The following USP10 variants were observed in gnomAD, a reference collection of about 807,000 sequenced individuals.
USP10 encodes ubiquitin specific peptidase 10.
USP10 carries 22 observed loss-of-function variants against 84.5 expected under a neutral mutation model. The observed-to-expected ratio is 0.26, with a 90% CI of 0.19 to 0.37. USP10 has a LOEUF of 0.37. Ranked by LOEUF, USP10 falls within the 10% of genes least tolerant of loss-of-function variation. The pLI is 1.00. For synonymous variants in USP10, 454 were observed against 387.6 expected (o/e 1.17, Z -2.01); for missense variants, 1,019 against 998.9 (o/e 1.02, Z -0.27).
At chr16:84,757,608 C>A (rs1912737140) in intron 4 of USP10, among the ~76,000 whole-genome samples, 1 of 152,030 alleles carries the variant, frequency 6.6e-6, no homozygotes, top group Non-Finnish European at 1.5e-5. Flanking sequence ...TTCCTATATA[C>A]AATTTGTTTA....
chr16:84,722,895 A>T (rs1022519106), intron 1 of USP10, among the ~76,000 whole-genome samples: 3 of 152,100 alleles, frequency 2.0e-5, no homozygotes, highest in Non-Finnish European at 4.4e-5. Context: ...TTAAATGATA[A>T]TTTTTTGTCC....
intron 4 of USP10, among the ~76,000 whole-genome samples, chr16:84,756,483 C>T (rs1329666830): frequency 6.6e-6 from 1 of 152,144 alleles, no homozygotes; most frequent in African/African-American, 2.4e-5. Context: ...ATCCCAGCTA[C>T]ATGGGAGGCT....
chr16:84,724,234 A>G (rs926611333), intron 1 of USP10, among the ~76,000 whole-genome samples: 2 of 152,184 alleles, frequency 1.3e-5, no homozygotes, highest in African/African-American at 2.4e-5. Context: ...ACAGGACTGG[A>G]AAGTTGGTAA....
chr16:84,746,890 C>G (rs1911288752), intron 4 of USP10, among the ~76,000 whole-genome samples: 1 of 152,208 alleles, frequency 6.6e-6, no homozygotes, highest in Non-Finnish European at 1.5e-5. Context: ...ACACACACTA[C>G]AGCTATACAA....
chr16:84,752,466 C>T (rs184453640), intron 4 of USP10, among the ~76,000 whole-genome samples: 1 of 152,304 alleles, frequency 6.6e-6, no homozygotes, highest in East Asian at 1.9e-4. Flanking sequence ...GGTGGCCCGC[C>T]TTCCTCATTT....
intron 4 of USP10, among the ~76,000 whole-genome samples, chr16:84,752,736 C>T (rs915720546): frequency 4.6e-5 from 7 of 151,956 alleles, no homozygotes; most frequent in African/African-American, 1.7e-4. Flanking sequence ...TTTTTCACTG[C>T]GAGGAAGAAG....
chr16:84,733,303 G>C, intron 1 of USP10, 132 bp from the exon 2 acceptor site: 1 of 682,172 alleles, frequency 1.5e-6, no homozygotes, highest in Non-Finnish European at 2.5e-6. Flanking sequence ...CAGATCCTCT[G>C]TTTAATTGAG....
intron 4 of USP10, among the ~76,000 whole-genome samples, chr16:84,755,018 G>T (rs1912366470): frequency 6.6e-6 from 1 of 151,336 alleles, no homozygotes; most frequent in Non-Finnish European, 1.5e-5. Context: ...TGTGTTTTCA[G>T]ACAGAGCTTA....
chr16:84,735,250 TTAAG>T (rs1909783804), intron 2 of USP10, among the ~76,000 whole-genome samples: 2 of 150,130 alleles, frequency 1.3e-5, no homozygotes, highest in African/African-American at 2.5e-5. Flanking sequence ...GTGTGTGTTT[TTAAG>T]TAAGGGGATT....
chr16:84,751,622 T>A (rs777894157), intron 4 of USP10, among the ~76,000 whole-genome samples: 1 of 152,236 alleles, frequency 6.6e-6, no homozygotes, highest in Non-Finnish European at 1.5e-5. Context: ...TGGTACATTT[T>A]GGTCACTTTG....
intron 11 of USP10, among the ~76,000 whole-genome samples, chr16:84,771,585 T>C (rs1340012503): frequency 6.6e-6 from 1 of 152,146 alleles, no homozygotes; most frequent in Non-Finnish European, 1.5e-5. Flanking sequence ...GGGTCAATAC[T>C]AGGCCTAGCG....
chr16:84,775,052 T>G, intron 12 of USP10, 108 bp from the exon 13 acceptor site: 1 of 920,010 alleles, frequency 1.1e-6, no homozygotes. Flanking sequence ...TTGTTCCTGG[T>G]CTGACAGGCA....
At chr16:84,775,018 C>G (rs1234035481) in intron 12 of USP10, 142 bp from the exon 13 acceptor site, 1 of 698,764 alleles carries the variant, frequency 1.4e-6, no homozygotes, top group Non-Finnish European at 2.5e-6. Context: ...AATTTTTGTG[C>G]AACTGAAGGG....
chr16:84,742,533 C>T (rs1292426911), intron 3 of USP10, among the ~76,000 whole-genome samples: 1 of 152,216 alleles, frequency 6.6e-6, no homozygotes, highest in Non-Finnish European at 1.5e-5. Context: ...CTGCAGTGAG[C>T]AGCCTTGGAG....
chr16:84,704,358 C>T, intron 1 of USP10, among the ~76,000 whole-genome samples: 1 of 152,220 alleles, frequency 6.6e-6, no homozygotes, highest in East Asian at 1.9e-4. Flanking sequence ...CTATTTACTG[C>T]CACACATGCA....
At chr16:84,776,202 A>G (rs752246487) in intron 13 of USP10, among the ~76,000 whole-genome samples, 58 of 152,230 alleles carry the variant, frequency 3.8e-4, no homozygotes, top group Non-Finnish European at 7.2e-4. Flanking sequence ...CTGCAGTGGC[A>G]GAGCAGGGCT....
chr16:84,721,854 C>T (rs188249763), intron 1 of USP10, among the ~76,000 whole-genome samples: 2 of 152,380 alleles, frequency 1.3e-5, no homozygotes, highest in Admixed American at 1.3e-4. Flanking sequence ...CACGCCGCCA[C>T]ACCTGGCTAA....
chr16:84,749,687 C>G (rs575739161), intron 4 of USP10, among the ~76,000 whole-genome samples: 1 of 152,192 alleles, frequency 6.6e-6, no homozygotes, highest in South Asian at 2.1e-4. Context: ...ATTGTTAAGT[C>G]TGCTTAATAA....
intron 1 of USP10, 122 bp from the exon 2 acceptor site, chr16:84,733,310 TGAG>T: frequency 1.4e-6 from 1 of 713,326 alleles, no homozygotes; most frequent in Admixed American, 2.6e-5. Flanking sequence ...TCTGTTTAAT[TGAG>T]AAAGGATCTT....
Sources: allele counts gnomAD v4.1 joint callset (sites outside exome capture counted in the v4.1 genomes callset), GRCh38; gene constraint gnomAD v4.1.1; transcripts MANE v1.5; gene names NCBI Gene and HGNC (gene_info 2026-07-23, HGNC 2026-07-21).